UMODL1: variants seen among roughly 807,000 people sequenced by gnomAD.
The protein encoded by UMODL1 is uromodulin like 1, also known as uromodulin-like 1.
UMODL1 carries 128 observed loss-of-function variants against 136.3 expected under a neutral mutation model. That is an observed-to-expected ratio of 0.94 (90% CI 0.81 to 1.09). The LOEUF is 1.09. Ranked by LOEUF, UMODL1 falls within the 50% of genes least tolerant of loss-of-function variation. UMODL1 has a pLI of 0.00. For synonymous variants in UMODL1, 721 were observed against 720.0 expected (o/e 1.00, Z -0.02); for missense variants, 1,766 against 1,725.6 (o/e 1.02, Z -0.41).
chr21:42,085,182 G>A lies in UMODL1; in HGVS notation c.482-109G>A, dbSNP rs2066411290. On this transcript the variant is annotated intron_variant, in intron 3 of 22. Transcript: ENST00000408910. The surrounding 1 kb of genome is among the most constrained non-coding windows in gnomAD (Gnocchi z 4.5). Reference sequence around the variant, plus strand: ...TTGCAGGGAGGTAAATGCAGAGCAGGGCCTCTCATGGCCTCTGGTTCCCTC... The same window carrying A: ...TTGCAGGGAGGTAAATGCAGAGCAGAGCCTCTCATGGCCTCTGGTTCCCTC... 1 of 1,386,942 alleles carries A rather than the reference G, an allele frequency of 7.2e-7. No homozygotes were observed. The highest frequency in any genetic ancestry group is 9.8e-7 in the Non-Finnish European group (1 of 1,016,758). The allele number at this position is 1,386,942 out of a possible 1,614,324, so 85.9% of individuals were successfully genotyped here.
At chr21:42,110,309 C>T (rs1212220578) in intron 10 of UMODL1, among the ~76,000 whole-genome samples, 1 of 152,242 alleles carries the variant, frequency 6.6e-6, no homozygotes, top group Non-Finnish European at 1.5e-5. Context: ...ACAGGCGTGG[C>T]AGAGGCGCCC....
intron 7 of UMODL1, among the ~76,000 whole-genome samples, chr21:42,100,582 T>G (rs2066615070): frequency 1.3e-5 from 2 of 152,032 alleles, no homozygotes; most frequent in Non-Finnish European, 2.9e-5. Context: ...ACACCAGGAC[T>G]GAGGGGAGGG....
At position 42,085,253 on chromosome 21, in the gene UMODL1, T is replaced by C. The variant is rs1293318898; in HGVS notation, c.482-38T>C. The C allele has an allele frequency of 1.2e-6, 2 of 1,608,496 alleles. No individual in the cohort carries two copies. Among genetic ancestry groups the C allele is most frequent in the African/African-American group, 2.7e-5 (2 of 74,796 alleles). On this transcript the variant is annotated intron_variant, in intron 3 of 22. Transcript: ENST00000408910. This position sits in a 1 kb window ranked among gnomAD's most constrained non-coding sequence, Gnocchi z 4.5. ...CAGCAGCTTTTGTGACTTCAACCTG[T>C]CCTGGGTCCATAATCATCAGTGTTT...
At chr21:42,067,239 G>C (rs2066190688), upstream of UMODL1, among the ~76,000 whole-genome samples, 1 of 152,052 alleles carries the variant, frequency 6.6e-6, no homozygotes, top group Non-Finnish European at 1.5e-5. Flanking sequence ...CCAAAGTGCT[G>C]GGATTACAGG....
chr21:42,079,668 G>A (rs2066337216), intron 2 of UMODL1, among the ~76,000 whole-genome samples: 1 of 152,234 alleles, frequency 6.6e-6, no homozygotes, highest in African/African-American at 2.4e-5. Context: ...GGCCAGGGCA[G>A]GAGACCCTCC....
At chr21:42,136,919 G>A (rs1189673630) in intron 21 of UMODL1, among the ~76,000 whole-genome samples, 2 of 151,912 alleles carry the variant, frequency 1.3e-5, no homozygotes, top group African/African-American at 2.4e-5. Context: ...CACCATGCCC[G>A]GCTAATTTTT....
In UMODL1 at chr21:42,137,439, G is replaced by C; in HGVS notation, c.3776G>C (p.Gly1259Ala). ...CACCTGTGCCTGTCTCCTCCCCGAG[G>C]TGAGCCTCCTCATGCAGAAGCAGGC... ...MSWGPLIRSE[G>A]EPPHAEAGLG... Residue 1259 changes from glycine to alanine, a missense_variant and splice_region_variant, in exon 22 of 23, where the codon GGT (glycine) becomes GCT (alanine). Physicochemically the swap from Gly to Ala is moderately conservative, Grantham distance 60. Coordinates refer to ENST00000408910, the MANE Select transcript of UMODL1 (RefSeq NM_001004416.3). The C allele has an allele frequency of 6.2e-7, 1 of 1,614,158 alleles. No homozygotes were observed. Among genetic ancestry groups the C allele is most frequent in the Non-Finnish European group, 8.5e-7 (1 of 1,179,996 alleles).
Position 42,109,633 on chromosome 21 carries a change from T to C in UMODL1, c.1591T>C (p.Ser531Pro), listed in dbSNP as rs768153039. The C allele has an allele frequency of 6.2e-7, 1 of 1,610,062 alleles. No individual in the cohort carries two copies. The highest frequency in any genetic ancestry group is 1.7e-5 in the Admixed American group (1 of 60,002). Residue 531 changes from serine (S) to proline (P), a missense_variant, in exon 10 of 23, where the codon TCC becomes CCC. Coordinates refer to ENST00000408910, the MANE Select transcript of UMODL1 (RefSeq NM_001004416.3). ...TGCCTGGTGCATCAACCTGGAGGGC[T>C]CCTACACCTGCCAGTGCCGTACCAC... ...PAAWCINLEGSYTCQCRTTRD... is the reference protein window; with the variant it reads ...PAAWCINLEGPYTCQCRTTRD...
intron 9 of UMODL1, among the ~76,000 whole-genome samples, chr21:42,109,152 G>T (rs1343686187): frequency 6.8e-6 from 1 of 147,810 alleles, no homozygotes. Context: ...GAAAGTTCAC[G>T]TTATACTCAG....
rs199631847 is a variant in UMODL1 at position 42,137,609 on chromosome 21, T to G, written c.3946T>G (p.Phe1316Val). 61 of 1,613,576 alleles carry G rather than the reference T, an allele frequency of 3.8e-5. No homozygotes were observed. The highest frequency in any genetic ancestry group is 2.8e-5 in the Non-Finnish European group (33 of 1,179,852). The change falls in exon 22 of 23, where the codon TTC becomes GTC. Residue 1316 changes from phenylalanine to valine, a missense_variant. Coordinates refer to ENST00000408910, the MANE Select transcript of UMODL1 (RefSeq NM_001004416.3). ...IQSNNFSYQV[F>V]YE ...GTCCAACAACTTCAGCTACCAGGTG[T>G]TCTACGAATAGGAGGCGCAGGCTGA...
intron 14 of UMODL1, among the ~76,000 whole-genome samples, chr21:42,117,258 A>G (rs1427963254): frequency 6.6e-6 from 1 of 152,228 alleles, no homozygotes; most frequent in Non-Finnish European, 1.5e-5. Context: ...GGTTTCATCC[A>G]CGTGGCAGCA....
rs571137197 is a variant in UMODL1, at chr21:42,108,818, C to A, written c.1520-744C>A. Among the ~76,000 whole-genome samples the A allele has an allele frequency of 6.6e-5, 6 of 90,808 alleles. No homozygotes were observed. The Admixed American group carries it at 7.1e-4, about 11-fold the overall frequency. The allele number at this position is 90,808 out of a possible 152,430, so 59.6% of individuals were successfully genotyped here. On this transcript the variant is annotated intron_variant, in intron 9 of 22. Transcript: ENST00000408910. ...GGAGGGACATACCTGTGGAGACACC[C>A]GGGTGCTCTAGAATATGGCGCGGGA...
rs1335225495 is a variant in UMODL1 at position 42,077,054 on chromosome 21, TG to T, written c.319+808del. On this transcript the variant is annotated intron_variant, in intron 2 of 22. Coordinates refer to ENST00000408910, the MANE Select transcript of UMODL1 (RefSeq NM_001004416.3). ...GTGTGTGTGTGTGTGTGTGTGTGTG[TG>T]TGTGTGTGTGTGGTGGCTGCTAATT... 1.0e-4 allele frequency among the ~76,000 whole-genome samples: 14 copies of T among 134,676 alleles called. No individual in the cohort carries two copies. In the South Asian group the frequency reaches 2.0e-3, roughly 20 times the overall value. 88.4% of individuals were successfully genotyped at this position (134,676 alleles called of 152,430 possible).
chr21:42,111,075 T>G lies in UMODL1; in HGVS notation c.1853T>G (p.Val618Gly). Residue 618 changes from valine to glycine, a missense_variant, in exon 11 of 23, where the codon GTG becomes GGG. Coordinates refer to ENST00000408910, the MANE Select transcript of UMODL1 (RefSeq NM_001004416.3). ...EPSPRRGGSN[V>G]VGYDRNNTGK... The stretch of plus-strand genomic sequence containing the variant: ...TCACCCAGAAGAGGGGGCAGCAATG[T>G]GGTCGGGTATGACAGGAACAACACA... 6.2e-7 allele frequency: 1 copy of G among 1,613,224 alleles called. No individual in the cohort carries two copies. Among genetic ancestry groups the G allele is most frequent in the Non-Finnish European group, 8.5e-7 (1 of 1,179,790 alleles).
chr21:42,079,905 G>A (rs1569142319), intron 2 of UMODL1, among the ~76,000 whole-genome samples: 1 of 152,200 alleles, frequency 6.6e-6, no homozygotes, highest in Non-Finnish European at 1.5e-5. Context: ...GACTGTGGGA[G>A]GAGGAACATT....
chr21:42,071,335 C>G lies in UMODL1; in HGVS notation c.19C>G (p.Leu7Val). Residue 7 changes from leucine to valine, a missense_variant, in exon 1 of 23, where the codon CTG (leucine) becomes GTG (valine). Leu to Val is a conservative substitution (Grantham distance 32). Transcript: ENST00000408910. Reference protein sequence around the residue: MLRTSGLALLALVSAVG... With the variant: MLRTSGVALLALVSAVG... ...CCGGACGATGCTCAGGACCTCGGGG[C>G]TGGCACTGCTGGCTCTGGTCAGTGC... 6.3e-7 allele frequency: 1 copy of G among 1,595,688 alleles called. No individual in the cohort carries two copies. Among genetic ancestry groups the G allele is most frequent in the Non-Finnish European group, 8.5e-7 (1 of 1,171,378 alleles).
intron 1 of UMODL1, among the ~76,000 whole-genome samples, chr21:42,072,240 C>T (rs907644023): frequency 2.0e-5 from 3 of 152,164 alleles, no homozygotes; most frequent in South Asian, 2.1e-4. Flanking sequence ...TAAAAACACA[C>T]GGGAGTTCTG....
At chr21:42,097,889 C>T (rs952668470) in intron 6 of UMODL1, among the ~76,000 whole-genome samples, 3 of 152,168 alleles carry the variant, frequency 2.0e-5, no homozygotes, top group African/African-American at 7.2e-5. Flanking sequence ...CAGAGCTTTG[C>T]TCTCTGAGGC....
rs374718379 is a variant in UMODL1 at position 42,099,022 on chromosome 21, A to G, written c.1028A>G (p.His343Arg). 1.5e-5 allele frequency: 24 copies of G among 1,614,162 alleles called. No individual in the cohort carries two copies. The highest frequency in any genetic ancestry group is 8.0e-5 in the African/African-American group (6 of 75,038). ...RLNSTQNHTF[H>R]VRVYRGMELL... ...AATTCTACACAGAACCACACTTTCCATGTCCGGGTTTACCGGGGTATGGAG... is the reference window on the plus strand; with the variant it reads ...AATTCTACACAGAACCACACTTTCCGTGTCCGGGTTTACCGGGGTATGGAG... Residue 343 changes from histidine (H) to arginine (R), a missense_variant, in exon 7 of 23, where the codon CAT becomes CGT. Physicochemically the swap from His to Arg is conservative, Grantham distance 29 (BLOSUM62 0). Transcript: ENST00000408910. This position sits in a 1 kb window ranked among gnomAD's most constrained non-coding sequence, Gnocchi z 4.1.
Sources: gnomAD v4.1 joint callset for allele counts (sites outside exome capture counted in the v4.1 genomes callset) on GRCh38, gnomAD v4.1.1 for gene constraint, Gnocchi (gnomAD v3.1) non-coding constraint, MANE v1.5 for transcripts, NCBI Gene and HGNC (gene_info 2026-07-23, HGNC 2026-07-21) for gene names.